Variants in SPATC1 observed in about 807,000 individuals in gnomAD.
The protein encoded by SPATC1 is spermatogenesis and centriole associated 1, also known as speriolin.
Under a neutral mutation model 36.5 loss-of-function variants are expected in SPATC1, and 35 were observed. That is an observed-to-expected ratio of 0.96 (90% CI 0.73 to 1.27). The LOEUF (loss-of-function observed/expected upper bound fraction) is 1.27. Among genes scored for constraint, SPATC1 ranks in the 50% most tolerant of loss-of-function variants. The probability of loss-of-function intolerance (pLI) is 0.00; values close to 1 mark genes in which losing one functional copy is unlikely to be tolerated. For synonymous variants in SPATC1, 361 were observed against 353.6 expected (o/e 1.02, Z -0.24); for missense variants, 779 against 796.0 (o/e 0.98, Z 0.26).
At chr8:144,021,298 G>T (rs1321502761) in intron 1 of SPATC1, among the ~76,000 whole-genome samples, 49 of 85,860 alleles carry the variant, frequency 5.7e-4, no homozygotes, top group Admixed American at 1.1e-3. Context: ...CTCCCCTCAG[G>T]ACCCTCTTCC....
intron 1 of SPATC1, among the ~76,000 whole-genome samples, chr8:144,018,670 C>T (rs1466838516): frequency 6.6e-6 from 1 of 151,990 alleles, no homozygotes; most frequent in East Asian, 1.9e-4. Flanking sequence ...AGACCCGTGG[C>T]TTCAATTTTC....
rs1291125156 is a variant in SPATC1, at chr8:144,016,611, GTTTGTTTGTTTGTTTT to G, written c.211+3903_211+3918del. Among the ~76,000 whole-genome samples, 4 of 151,892 alleles carry G rather than the reference GTTTGTTTGTTTGTTTT, an allele frequency of 2.6e-5. No homozygotes were observed. The highest frequency in any genetic ancestry group is 1.9e-4 in the East Asian group (1 of 5,192). ...AAGAAGACACTGATGGTTTTTGTTT[GTTTGTTTGTTTGTTTT>G]TTTGTTTGTTTGTTTTTGAGACAGA... On this transcript the variant is annotated intron_variant, in intron 1 of 4. Coordinates refer to ENST00000377470, the MANE Select transcript of SPATC1 (RefSeq NM_198572.3). This position sits in a 1 kb window ranked among gnomAD's most constrained non-coding sequence, Gnocchi z 4.5.
chr8:144,032,907 C>T (rs1484941085), intron 1 of SPATC1, among the ~76,000 whole-genome samples: 5 of 151,662 alleles, frequency 3.3e-5, no homozygotes, highest in African/African-American at 1.2e-4. Context: ...TGAGCACACA[C>T]AACAAAGAAT....
intron 1 of SPATC1, among the ~76,000 whole-genome samples, chr8:144,031,136 A>G (rs1834784287): frequency 6.6e-6 from 1 of 152,132 alleles, no homozygotes; most frequent in African/African-American, 2.4e-5. Context: ...TATGGCTTCT[A>G]GTTACTGTCT....
rs557171339 is a variant in SPATC1 at position 144,016,231 on chromosome 8, G to C, written c.211+3505G>C. On this transcript the variant is annotated intron_variant, in intron 1 of 4. Coordinates refer to ENST00000377470, the MANE Select transcript of SPATC1 (RefSeq NM_198572.3). This position sits in a 1 kb window ranked among gnomAD's most constrained non-coding sequence, Gnocchi z 4.5. Reference sequence around the variant, plus strand: ...AGACTACGCCATTGCACTCCAGCCTGAGCAACAAGAGCAAGACTTCATCTC... The same window carrying C: ...AGACTACGCCATTGCACTCCAGCCTCAGCAACAAGAGCAAGACTTCATCTC... Among the ~76,000 whole-genome samples the C allele has an allele frequency of 6.6e-6, 1 of 152,256 alleles. No homozygotes were observed. Among genetic ancestry groups the C allele is most frequent in the South Asian group, 2.1e-4 (1 of 4,824 alleles).
rs782793984 is a variant in SPATC1 at position 144,041,140 on chromosome 8, G to T, written c.1306+33G>T. On this transcript the variant is annotated intron_variant, in intron 3 of 4. Transcript: ENST00000377470. ...ACACTGCGGGCTCCACGCGGGTCGG[G>T]CCCCCAGGCCCTCTCCCTGCCGCCT... is the stretch of plus-strand genomic sequence containing the variant. 5 of 1,583,752 alleles carry T rather than the reference G, an allele frequency of 3.2e-6. No individual in the cohort carries two copies. The Admixed American group carries it at 5.2e-5, about 17-fold the overall frequency.
rs782609774 is a variant in SPATC1, at chr8:144,046,744, C to T, written c.1564C>T (p.Pro522Ser). The change falls in exon 5 of 5, where the codon CCT (proline) becomes TCT (serine). Residue 522 changes from proline (P) to serine (S), a missense_variant. Transcript: ENST00000377470. The surrounding 1 kb of genome is among the most constrained non-coding windows in gnomAD (Gnocchi z 6.6). ...TCTGGGCTACAACGGGCGGGTGCAC[C>T]CTGCGCTGACCGAGCAGCTGGTGAA... Reference protein sequence around the residue: ...QSLGYNGRVHPALTEQLVNAY... With the variant: ...QSLGYNGRVHSALTEQLVNAY... The T allele has an allele frequency of 6.2e-7, 1 of 1,612,056 alleles. No individual in the cohort carries two copies. Among genetic ancestry groups the T allele is most frequent in the Non-Finnish European group, 8.5e-7 (1 of 1,179,996 alleles).
Position 144,039,910 on chromosome 8 carries a change from T to A in SPATC1, c.213T>A (p.Gly71=), listed in dbSNP as rs1408072956. 1 of 1,611,562 alleles carries A rather than the reference T, an allele frequency of 6.2e-7. No individual in the cohort carries two copies. The highest frequency in any genetic ancestry group is 1.3e-5 in the African/African-American group (1 of 74,884). Residue 71 remains glycine, a splice_region_variant and synonymous_variant, in exon 2 of 5, where the codon GGT becomes GGA. Transcript: ENST00000377470. ...TAGLSSRQNN[G]VFLPPSPAVA... ...TCAGTGCTTTCTCTGTGTTCCCAGG[T>A]GTCTTCCTGCCCCCGTCCCCAGCAG...
At position 144,046,607 on chromosome 8, in the gene SPATC1, G is replaced by C; in HGVS notation, c.1447-20G>C. 6.3e-7 allele frequency: 1 copy of C among 1,594,342 alleles called. No homozygotes were observed. On this transcript the variant is annotated intron_variant, in intron 4 of 4. Transcript: ENST00000377470. The surrounding 1 kb of genome is among the most constrained non-coding windows in gnomAD (Gnocchi z 6.6). ...GGAGGTGTGGCAAGGGAGGGTCCCT[G>C]ATGGCCGCTGTCCCCACAGGCTTCC...
At chr8:144,037,868 G>A (rs1264516153) in intron 1 of SPATC1, among the ~76,000 whole-genome samples, 3 of 151,206 alleles carry the variant, frequency 2.0e-5, no homozygotes, top group Admixed American at 1.3e-4. Flanking sequence ...CGGTGGCCAC[G>A]CCTGTAATCC....
rs989040806 is a variant in SPATC1, at chr8:144,047,027, A to C, written c.*71A>C. On this transcript the variant is annotated 3_prime_UTR_variant, in exon 5 of 5. Coordinates refer to ENST00000377470, the MANE Select transcript of SPATC1 (RefSeq NM_198572.3). The surrounding 1 kb of genome is among the most constrained non-coding windows in gnomAD (Gnocchi z 4.1). ...GCACGGCCATTAAAGCTTCCCACAGACACTGGTCGCTGGGCCTGTGCCAGC... is the reference window on the plus strand; with the variant it reads ...GCACGGCCATTAAAGCTTCCCACAGCCACTGGTCGCTGGGCCTGTGCCAGC... 6.6e-7 allele frequency: 1 copy of C among 1,513,428 alleles called. No individual in the cohort carries two copies. Among genetic ancestry groups the C allele is most frequent in the East Asian group, 2.3e-5 (1 of 43,360 alleles). The allele number at this position is 1,513,428 out of a possible 1,614,324, so 93.7% of individuals were successfully genotyped here.
intron 1 of SPATC1, among the ~76,000 whole-genome samples, chr8:144,029,723 T>G (rs1834757078): frequency 6.6e-6 from 1 of 152,228 alleles, no homozygotes; most frequent in Non-Finnish European, 1.5e-5. Flanking sequence ...AGACCTTTTT[T>G]TGTGATCCAT....
At chr8:144,042,284 AATAT>A (rs1554756220) in intron 4 of SPATC1, among the ~76,000 whole-genome samples, 537 of 36,278 alleles carry the variant, frequency 0.015, 13 homozygotes, top group East Asian at 0.028. Context: ...ACGCCCAGCT[AATAT>A]ATATATATAT....
chr8:144,047,010 A>T lies in SPATC1; in HGVS notation c.*54A>T, dbSNP rs1483974550. On this transcript the variant is annotated 3_prime_UTR_variant, in exon 5 of 5. Coordinates refer to ENST00000377470, the MANE Select transcript of SPATC1 (RefSeq NM_198572.3). The surrounding 1 kb of genome is among the most constrained non-coding windows in gnomAD (Gnocchi z 4.1). ...CAGCCCCACAGCCCTGTGCACGGCC[A>T]TTAAAGCTTCCCACAGACACTGGTC... 6.5e-7 allele frequency: 1 copy of T among 1,544,172 alleles called. No homozygotes were observed.
intron 1 of SPATC1, among the ~76,000 whole-genome samples, chr8:144,026,010 C>A (rs971594151): frequency 6.6e-6 from 1 of 152,084 alleles, no homozygotes; most frequent in African/African-American, 2.4e-5. Flanking sequence ...CAGGTATGTA[C>A]AAACATTACC....
upstream of SPATC1, among the ~76,000 whole-genome samples, chr8:144,011,210 C>T (rs1186754456): frequency 6.6e-6 from 1 of 152,096 alleles, no homozygotes; most frequent in Non-Finnish European, 1.5e-5. The surrounding 1 kb of genome is among the most constrained non-coding windows in gnomAD (Gnocchi z 4.5). Flanking sequence ...CCATGACAAG[C>T]TAATTTTCAC....
chr8:144,040,540 T>G, intron 2 of SPATC1, 28 bp from the exon 3 acceptor site: 2 of 1,562,364 alleles, frequency 1.3e-6, no homozygotes, highest in Non-Finnish European at 1.7e-6. Context: ...TCCCCCTTTT[T>G]TTATTTCTGT....
At chr8:144,040,495 G>C (rs1564278339) in intron 2 of SPATC1, 32 bp downstream of exon 2, 1 of 1,563,960 alleles carries the variant, frequency 6.4e-7, no homozygotes, top group Non-Finnish European at 8.7e-7. Context: ...GGGTGGCAGA[G>C]TGGGGGGGGG....
intron 1 of SPATC1, among the ~76,000 whole-genome samples, chr8:144,037,925 C>T (rs1478831515): frequency 2.6e-5 from 4 of 151,602 alleles, no homozygotes; most frequent in East Asian, 1.9e-4. Flanking sequence ...GTCAGGAGAT[C>T]AAGACCATCC....
Sources: gnomAD v4.1 joint callset for allele counts (sites outside exome capture counted in the v4.1 genomes callset) on GRCh38, gnomAD v4.1.1 for gene constraint, Gnocchi (gnomAD v3.1) non-coding constraint, MANE v1.5 for transcripts, NCBI Gene and HGNC (gene_info 2026-07-23, HGNC 2026-07-21) for gene names.